Variants in ARHGAP26 observed in about 807,000 individuals in gnomAD.
ARHGAP26 encodes the protein Rho GTPase activating protein 26.
Under a neutral mutation model 104.8 loss-of-function variants are expected in ARHGAP26, and 38 were observed. The observed-to-expected ratio is 0.36, with a 90% CI of 0.28 to 0.48. ARHGAP26 has a LOEUF of 0.48. ARHGAP26 is among the 20% of genes least tolerant of loss of function. The pLI, the probability that ARHGAP26 is intolerant of heterozygous loss-of-function variation, is 0.99. For synonymous variants in ARHGAP26, 341 were observed against 340.0 expected (o/e 1.00, Z -0.03); for missense variants, 704 against 947.9 (o/e 0.74, Z 3.38).
At chr5:143,033,794 T>C (rs1782229431) in intron 12 of ARHGAP26, among the ~76,000 whole-genome samples, 1 of 152,194 alleles carries the variant, frequency 6.6e-6, no homozygotes, top group South Asian at 2.1e-4. Context: ...CAGACTTCTT[T>C]GATTCTCATT....
chr5:143,017,540 T>C (rs1172186301), intron 12 of ARHGAP26, among the ~76,000 whole-genome samples: 1 of 152,250 alleles, frequency 6.6e-6, no homozygotes, highest in Non-Finnish European at 1.5e-5. Context: ...TATTTATTCA[T>C]CCATTCCCTT....
chr5:143,155,619 CT>C (rs1276234835), intron 20 of ARHGAP26, among the ~76,000 whole-genome samples: 31 of 152,212 alleles, frequency 2.0e-4, no homozygotes, highest in Non-Finnish European at 1.5e-5. Context: ...ACTTGGATCT[CT>C]ACAGCCTGTC....
chr5:143,045,810 C>G (rs2578596), intron 14 of ARHGAP26, among the ~76,000 whole-genome samples: 1 of 151,892 alleles, frequency 6.6e-6, no homozygotes. Flanking sequence ...GCAGCCAGGC[C>G]AACATGGTGA....
At chr5:143,189,550 A>C (rs939403087) in intron 20 of ARHGAP26, among the ~76,000 whole-genome samples, 1 of 152,118 alleles carries the variant, frequency 6.6e-6, no homozygotes, top group South Asian at 2.1e-4. Flanking sequence ...TTACACACTC[A>C]TAAGTAGTAT....
chr5:142,836,884 A>G (rs1029372140), intron 1 of ARHGAP26, among the ~76,000 whole-genome samples: 2 of 152,216 alleles, frequency 1.3e-5, no homozygotes, highest in Non-Finnish European at 1.5e-5. Context: ...CTGAAGGACA[A>G]TTATGTAACT....
At chr5:142,865,478 GT>G (rs35950662) in intron 1 of ARHGAP26, among the ~76,000 whole-genome samples, 1,745 of 117,214 alleles carry the variant, frequency 0.015, 3 homozygotes, top group East Asian at 0.052. Flanking sequence ...ACACGGAGAA[GT>G]TTTTTTTTTT....
intron 11 of ARHGAP26, among the ~76,000 whole-genome samples, chr5:142,935,672 C>T (rs749963357): frequency 6.6e-6 from 1 of 152,282 alleles, no homozygotes; most frequent in African/African-American, 2.4e-5. Flanking sequence ...CCAGAACTTA[C>T]TCATGTGCCC....
chr5:142,810,338 G>C (rs1162834937), intron 1 of ARHGAP26, among the ~76,000 whole-genome samples: 1 of 152,206 alleles, frequency 6.6e-6, no homozygotes, highest in South Asian at 2.1e-4. Context: ...AAAGAATAGT[G>C]TGGAATTTAG....
At chr5:142,989,689 A>G (rs1212458825) in intron 11 of ARHGAP26, among the ~76,000 whole-genome samples, 2 of 152,078 alleles carry the variant, frequency 1.3e-5, no homozygotes, top group Admixed American at 6.6e-5. Flanking sequence ...TGTCTGTAAA[A>G]GATTTTATTT....
At chr5:142,778,520 A>T (rs1188154833) in intron 1 of ARHGAP26, among the ~76,000 whole-genome samples, 1 of 152,220 alleles carries the variant, frequency 6.6e-6, no homozygotes, top group African/African-American at 2.4e-5. Flanking sequence ...TTTGTCTTGA[A>T]GACCTTCCAT....
chr5:143,008,275 T>C (rs985906152), intron 11 of ARHGAP26, among the ~76,000 whole-genome samples: 13 of 152,214 alleles, frequency 8.5e-5, no homozygotes, highest in Non-Finnish European at 1.6e-4. Context: ...GATGTGCATG[T>C]TAGCCAATAA....
intron 8 of ARHGAP26, among the ~76,000 whole-genome samples, chr5:142,907,129 C>T (rs1042229921): frequency 1.6e-4 from 24 of 152,180 alleles, no homozygotes; most frequent in African/African-American, 5.5e-4. Flanking sequence ...CAGTCACTTC[C>T]ACTCTGCATC....
intron 10 of ARHGAP26, among the ~76,000 whole-genome samples, chr5:142,917,202 G>A (rs1398778477): frequency 2.0e-5 from 3 of 152,076 alleles, no homozygotes; most frequent in Non-Finnish European, 4.4e-5. Flanking sequence ...ACCATGCCCA[G>A]CTAATTTTGT....
At chr5:142,907,863 A>T in intron 9 of ARHGAP26, 59 bp downstream of exon 9, 1 of 1,227,566 alleles carries the variant, frequency 8.1e-7, no homozygotes, top group African/African-American at 1.5e-5. Flanking sequence ...AATGATTATA[A>T]TGCATGTATA....
At chr5:142,895,115 ACT>A (rs1280776816) in intron 6 of ARHGAP26, among the ~76,000 whole-genome samples, 1 of 151,678 alleles carries the variant, frequency 6.6e-6, no homozygotes, top group Non-Finnish European at 1.5e-5. Flanking sequence ...TCAATTTAAA[ACT>A]CTCGCAGACC....
chr5:142,921,106 G>C lies in ARHGAP26; in HGVS notation c.1028+7813G>C, dbSNP rs1414117005. 2.6e-5 allele frequency among the ~76,000 whole-genome samples: 4 copies of C among 152,188 alleles called. No homozygotes were observed. The East Asian group carries it at 7.7e-4, about 29-fold the overall frequency. On this transcript the variant is annotated intron_variant, in intron 10 of 22. Transcript: ENST00000645722. ...TTGTTTTGCAAGCTTTCCATGAATA[G>C]GTAAAGGGCAGTAGCTCTCCTCTGA...
chr5:143,028,877 G>C (rs1781451132), intron 12 of ARHGAP26, among the ~76,000 whole-genome samples: 1 of 152,188 alleles, frequency 6.6e-6, no homozygotes, highest in African/African-American at 2.4e-5. Context: ...GTCTGGTGTA[G>C]GGATGGTGCA....
chr5:143,144,855 G>C (rs1798978142), intron 19 of ARHGAP26, among the ~76,000 whole-genome samples: 1 of 152,240 alleles, frequency 6.6e-6, no homozygotes, highest in South Asian at 2.1e-4. Flanking sequence ...CTTACCGTCA[G>C]TAAAGATTGT....
chr5:143,084,990 A>T (rs1790348370), intron 17 of ARHGAP26, among the ~76,000 whole-genome samples: 1 of 146,412 alleles, frequency 6.8e-6, no homozygotes, highest in African/African-American at 2.5e-5. Flanking sequence ...GGTTACAGTG[A>T]GCCGAGATCG....
Sources: gnomAD v4.1 joint callset for allele counts (sites outside exome capture counted in the v4.1 genomes callset) on GRCh38, gnomAD v4.1.1 for gene constraint, MANE v1.5 for transcripts, NCBI Gene and HGNC (gene_info 2026-07-23, HGNC 2026-07-21) for gene names.